TSPAN19: variants seen among roughly 807,000 people sequenced by gnomAD.
TSPAN19 encodes the protein tetraspanin-19.
In TSPAN19, 44 loss-of-function variants were observed where a neutral mutation model predicts 35.1. The ratio of observed to expected loss-of-function variants is 1.25; its 90% confidence interval spans 0.98 to 1.61. TSPAN19 has a LOEUF of 1.61. TSPAN19 is among the 40% of genes most tolerant of loss of function. The probability of loss-of-function intolerance (pLI) is 0.00; values close to 1 mark genes in which losing one functional copy is unlikely to be tolerated. For synonymous variants in TSPAN19, 79 were observed against 92.0 expected, an observed-to-expected ratio of 0.86 and a Z score of 0.81; for missense variants, 290 against 280.0, an observed-to-expected ratio of 1.04 and a Z score of -0.26.
intron 5 of TSPAN19, among the ~76,000 whole-genome samples, chr12:85,020,097 C>A (rs1175869850): frequency 6.6e-6 from 1 of 151,860 alleles, no homozygotes; most frequent in African/African-American, 2.4e-5. Context: ...TCAATGGACA[C>A]TAGGCTTTTT....
At chr12:85,025,390 T>C (rs1366422374) in intron 4 of TSPAN19, among the ~76,000 whole-genome samples, 2 of 152,198 alleles carry the variant, frequency 1.3e-5, no homozygotes, top group African/African-American at 4.8e-5. Context: ...TCTGCCCACC[T>C]TGGCCTCCCA....
intron 1 of TSPAN19, among the ~76,000 whole-genome samples, chr12:85,032,632 G>A (rs1877739812): frequency 6.6e-6 from 1 of 152,212 alleles, no homozygotes; most frequent in South Asian, 2.1e-4. Context: ...TACAAAGAAT[G>A]GTAAAATGAG....
In TSPAN19 at chr12:85,014,541, T is replaced by A. The variant is rs1467989090; in HGVS notation, c.693A>T (p.Ser231=). ...TGTTTTTGAAGAAACAAACTGTTAA[T>A]GAGACTTGGAAAACCTGGAAGAAAA... is the stretch of plus-strand genomic sequence containing the variant. ...GLLTSEVFQV[S]LTVCFFKNIK... Residue 231 remains serine (S), a synonymous_variant, in exon 9 of 9, where the codon TCA becomes TCT. Coordinates refer to ENST00000532498, the MANE Select transcript of TSPAN19 (RefSeq NM_001100917.2). The A allele has an allele frequency of 6.3e-7, 1 of 1,599,514 alleles. No individual in the cohort carries two copies. The highest frequency in any genetic ancestry group is 2.3e-5 in the East Asian group (1 of 44,300).
intron 8 of TSPAN19, chr12:85,014,788 A>C: frequency 3.0e-6 from 1 of 335,576 alleles, no homozygotes; most frequent in Non-Finnish European, 5.4e-6. Flanking sequence ...ATAAGGAAAA[A>C]CCTTTAGGTT....
At chr12:85,018,719 T>C (rs532737682) in intron 6 of TSPAN19, among the ~76,000 whole-genome samples, 1 of 152,084 alleles carries the variant, frequency 6.6e-6, no homozygotes, top group African/African-American at 2.4e-5. Context: ...CAGTAAAAAG[T>C]ACAGAATCTA....
intron 1 of TSPAN19, among the ~76,000 whole-genome samples, chr12:85,030,335 T>C (rs1877622585): frequency 1.3e-5 from 2 of 152,162 alleles, no homozygotes; most frequent in South Asian, 4.1e-4. Flanking sequence ...ATTTTTATTT[T>C]AATCCTAACC....
intron 5 of TSPAN19, among the ~76,000 whole-genome samples, chr12:85,022,085 G>A (rs1877157186): frequency 6.6e-6 from 1 of 152,008 alleles, no homozygotes; most frequent in African/African-American, 2.4e-5. Context: ...GCTCTTATGT[G>A]TCATATTTAT....
intron 4 of TSPAN19, among the ~76,000 whole-genome samples, chr12:85,027,680 A>C (rs1205717625): frequency 6.6e-6 from 1 of 152,140 alleles, no homozygotes; most frequent in African/African-American, 2.4e-5. Flanking sequence ...TAAATGTCCA[A>C]ATGTGCTGAG....
chr12:85,019,384 C>T (rs932867985), intron 6 of TSPAN19, among the ~76,000 whole-genome samples: 42 of 151,932 alleles, frequency 2.8e-4, no homozygotes, highest in African/African-American at 8.5e-4. Flanking sequence ...ACCAGCAGCA[C>T]TTTTCCAGGT....
intron 1 of TSPAN19, among the ~76,000 whole-genome samples, chr12:85,031,660 G>A (rs1323343375): frequency 6.6e-6 from 1 of 152,122 alleles, no homozygotes; most frequent in African/African-American, 2.4e-5. Context: ...TTAGAAACTT[G>A]GAGCTAACTC....
chr12:85,032,619 G>A (rs1877739256), intron 1 of TSPAN19, among the ~76,000 whole-genome samples: 1 of 152,132 alleles, frequency 6.6e-6, no homozygotes, highest in Non-Finnish European at 1.5e-5. Flanking sequence ...CCATGACTAT[G>A]TTTACAAAGA....
chr12:85,034,227 G>C (rs1401262185), intron 1 of TSPAN19, among the ~76,000 whole-genome samples: 4 of 152,016 alleles, frequency 2.6e-5, no homozygotes, highest in Non-Finnish European at 5.9e-5. Flanking sequence ...ATGAAACAAA[G>C]AAATACCTGC....
intron 5 of TSPAN19, among the ~76,000 whole-genome samples, chr12:85,022,910 C>T: frequency 6.6e-6 from 1 of 152,146 alleles, no homozygotes; most frequent in East Asian, 1.9e-4. Context: ...TTCAGTATGT[C>T]TTGTTTAAGT....
chr12:85,023,509 T>C (rs1877237543), intron 4 of TSPAN19, 109 bp from the exon 5 acceptor site: 3 of 822,706 alleles, frequency 3.6e-6, no homozygotes, highest in South Asian at 1.9e-5. Context: ...ATAAAGTATA[T>C]ATGGGTATTG....
At chr12:85,022,225 GCACA>G (rs142980003) in intron 5 of TSPAN19, among the ~76,000 whole-genome samples, 1 of 149,922 alleles carries the variant, frequency 6.7e-6, no homozygotes, top group Non-Finnish European at 1.5e-5. Flanking sequence ...ACAAACACAC[GCACA>G]CACACACACA....
chr12:85,035,269 T>C (rs1877914499), intron 1 of TSPAN19: 2 of 151,574 alleles, frequency 1.3e-5, no homozygotes, highest in Admixed American at 6.6e-5. Flanking sequence ...AAAAAAACAA[T>C]AAAAAATAGA....
Position 85,029,793 on chromosome 12 carries a change from T to C in TSPAN19, c.67-2A>G. 6.5e-7 allele frequency: 1 copy of C among 1,540,662 alleles called. No individual in the cohort carries two copies. The highest frequency in any genetic ancestry group is 8.7e-7 in the Non-Finnish European group (1 of 1,144,210). On this transcript the variant is annotated splice_acceptor_variant, in intron 2 of 8. Transcript: ENST00000532498. LOFTEE classifies it high-confidence loss of function. ...TCCCATGAATAAAAGTCCAAGAACC[T>C]AAAAAAAGAAAGTCAATGCTTATTT...
chr12:85,019,139 A>C (rs1265679150), intron 6 of TSPAN19, among the ~76,000 whole-genome samples: 1 of 151,922 alleles, frequency 6.6e-6, no homozygotes, highest in Admixed American at 6.6e-5. Context: ...AATATATAGA[A>C]TATCTATATA....
intron 6 of TSPAN19, among the ~76,000 whole-genome samples, chr12:85,019,079 A>G (rs1876975455): frequency 6.6e-6 from 1 of 151,978 alleles, no homozygotes; most frequent in Non-Finnish European, 1.5e-5. Flanking sequence ...AAAAAGTGTT[A>G]GTTGCATTTA....
Sources: allele counts gnomAD v4.1 joint callset (sites outside exome capture counted in the v4.1 genomes callset), GRCh38; gene constraint gnomAD v4.1.1; transcripts MANE v1.5; gene names NCBI Gene and HGNC (gene_info 2026-07-23, HGNC 2026-07-21).